The following CTSC variants were observed in gnomAD, a reference collection of about 807,000 sequenced individuals.
The protein encoded by CTSC is cathepsin C, also known as dipeptidyl peptidase 1.
Under a neutral mutation model 40.9 loss-of-function variants are expected in CTSC, and 37 were observed. The ratio of observed to expected loss-of-function variants is 0.91; its 90% CI spans 0.70 to 1.19. The LOEUF (loss-of-function observed/expected upper bound fraction) is 1.19. CTSC is among the 50% of genes most tolerant of loss of function. The pLI is 0.00. For missense variants in CTSC, 594 were observed against 567.3 expected, an observed-to-expected ratio of 1.05 and a Z score of -0.48; for synonymous variants, 232 against 207.4, an observed-to-expected ratio of 1.12 and a Z score of -1.02.
At chr11:88,331,722 C>A (rs1217958340) in intron 2 of CTSC, among the ~76,000 whole-genome samples, 5 of 152,118 alleles carry the variant, frequency 3.3e-5, no homozygotes, top group Admixed American at 3.3e-4. Context: ...CCTAACAAGG[C>A]CTGTCTGTTC....
intron 5 of CTSC, chr11:88,296,633 T>A (rs1944302052): frequency 4.7e-5 from 16 of 336,944 alleles, no homozygotes; most frequent in South Asian, 3.9e-4. Context: ...ACATGTGAGC[T>A]GTGGAGGAAT....
At chr11:88,322,731 T>A (rs1455265184) in intron 2 of CTSC, 1 of 152,104 alleles carries the variant, frequency 6.6e-6, no homozygotes, top group East Asian at 1.9e-4. Context: ...AGAAGTTGGA[T>A]CCCTGAATAG....
chr11:88,316,084 C>T (rs1937871387), intron 2 of CTSC, among the ~76,000 whole-genome samples: 2 of 151,916 alleles, frequency 1.3e-5, no homozygotes, highest in South Asian at 4.1e-4. Flanking sequence ...CTTTAAAGGG[C>T]TGCCTAAAAT....
At chr11:88,337,437 G>T in intron 1 of CTSC, 64 bp downstream of exon 1, 1 of 1,485,644 alleles carries the variant, frequency 6.7e-7, no homozygotes. Context: ...AGTTGGCGTG[G>T]CGCTGCGTTA....
chr11:88,330,266 C>T (rs1240722170), intron 2 of CTSC, among the ~76,000 whole-genome samples: 1 of 152,164 alleles, frequency 6.6e-6, no homozygotes, highest in Non-Finnish European at 1.5e-5. Flanking sequence ...GATACCCACC[C>T]ACCTGAGTGG....
rs373988215 is a variant in CTSC at position 88,311,048 on chromosome 11, G to C, written c.485+1340C>G. Reference sequence around the variant, plus strand: ...GATTAAAAATAATGTATCTTACTATGGGATAACAGATCATTAAGAGCTGAA... The same window carrying C: ...GATTAAAAATAATGTATCTTACTATCGGATAACAGATCATTAAGAGCTGAA... On this transcript the variant is annotated intron_variant, in intron 3 of 6. Transcript: ENST00000227266. Among the ~76,000 whole-genome samples, 57 of 152,212 alleles carry C rather than the reference G, an allele frequency of 3.7e-4. No homozygotes were observed. The South Asian group carries it at 0.01, about 28-fold the overall frequency.
At chr11:88,334,435 C>T (rs1938438165) in intron 2 of CTSC, among the ~76,000 whole-genome samples, 1 of 152,192 alleles carries the variant, frequency 6.6e-6, no homozygotes, top group Non-Finnish European at 1.5e-5. Context: ...CTCCTAGGTT[C>T]TCTCTTTCTG....
At chr11:88,324,142 C>T (rs676877) in intron 2 of CTSC, 1 of 152,428 alleles carries the variant, frequency 6.6e-6, no homozygotes, top group East Asian at 1.9e-4. Flanking sequence ...CGTACAAAAA[C>T]AAACAATAGG....
intron 4 of CTSC, among the ~76,000 whole-genome samples, chr11:88,306,983 G>A (rs911034406): frequency 1.3e-5 from 2 of 152,208 alleles, no homozygotes; most frequent in Non-Finnish European, 2.9e-5. Context: ...CCCCCTAGGG[G>A]TTTGGGTGGT....
intron 2 of CTSC, among the ~76,000 whole-genome samples, chr11:88,315,713 A>G (rs1937861677): frequency 6.6e-6 from 1 of 152,186 alleles, no homozygotes; most frequent in African/African-American, 2.4e-5. Flanking sequence ...AACTAGAACT[A>G]AGCATCCTAC....
At chr11:88,335,229 C>T (rs923444582) in intron 1 of CTSC, 147 bp from the exon 2 acceptor site, 4 of 661,778 alleles carry the variant, frequency 6.0e-6, no homozygotes, top group Non-Finnish European at 1.1e-5. Flanking sequence ...AAACCAGAGG[C>T]TCCATCTTGT....
intron 4 of CTSC, among the ~76,000 whole-genome samples, chr11:88,301,786 GCACACACACACAAACACACGCGCGCACA>G (rs1944364233): frequency 7.5e-6 from 1 of 133,658 alleles, no homozygotes; most frequent in Non-Finnish European, 1.6e-5. Context: ...ACATACACAT[GCACACACACACAAACACACGCGCGCACA>G]CACACACACA....
At chr11:88,294,984 G>A (rs1481112471) in intron 6 of CTSC, among the ~76,000 whole-genome samples, 1 of 152,162 alleles carries the variant, frequency 6.6e-6, no homozygotes, top group Admixed American at 6.5e-5. Context: ...ACAACCTCTT[G>A]CCGAAATGTC....
rs546944224 is a variant in CTSC, at chr11:88,335,028, T to C, written c.227A>G (p.Asp76Gly). The change falls in exon 2 of 7, where the codon GAT becomes GGT. Residue 76 changes from aspartate to glycine, a missense_variant. Asp to Gly is a moderately conservative substitution (Grantham distance 94). Coordinates refer to ENST00000227266, the MANE Select transcript of CTSC (RefSeq NM_001814.6). ...GAAATGGCCAGAATTGCCAAGGTCA[T>C]CATATGCTGTATCCAGCTTCTGAAG... ...VYLQKLDTAY[D>G]DLGNSGHFTI... 1.9e-6 allele frequency: 3 copies of C among 1,607,346 alleles called. No homozygotes were observed. The highest frequency in any genetic ancestry group is 2.2e-5 in the East Asian group (1 of 44,796).
At chr11:88,302,335 ATGACAAGG>A (rs917353208) in intron 4 of CTSC, among the ~76,000 whole-genome samples, 6 of 152,138 alleles carry the variant, frequency 3.9e-5, no homozygotes, top group African/African-American at 7.2e-5. Context: ...TTAAGAATAC[ATGACAAGG>A]GGCCAGGCGC....
In CTSC at chr11:88,294,076, A is replaced by C; in HGVS notation, c.1322T>G (p.Ile441Ser). The part of the protein sequence containing the change: ...TGWGENGYFR[I>S]RRGTDECAIE... ...TGCACACTCATCAGTTCCTCTGCGG[A>C]TCCGGAAGTAGCCATTCTCACCCCA... is the stretch of plus-strand genomic sequence containing the variant. The change falls in exon 7 of 7, where the codon ATC (isoleucine) becomes AGC (serine). Residue 441 changes from isoleucine to serine, a missense_variant. Ile to Ser is a moderately radical substitution (Grantham distance 142, BLOSUM62 -2). Coordinates refer to ENST00000227266, the MANE Select transcript of CTSC (RefSeq NM_001814.6). The C allele has an allele frequency of 6.2e-7, 1 of 1,613,942 alleles. No homozygotes were observed. Among genetic ancestry groups the C allele is most frequent in the Non-Finnish European group, 8.5e-7 (1 of 1,179,994 alleles).
intron 2 of CTSC, chr11:88,324,283 C>T: frequency 1.4e-6 from 1 of 740,310 alleles, no homozygotes; most frequent in Non-Finnish European, 1.6e-6. Context: ...AAATGTAAAA[C>T]CCAAAACAAT....
chr11:88,309,211 A>T lies in CTSC; in HGVS notation c.593T>A (p.Leu198Gln), dbSNP rs1047809607. 1.2e-6 allele frequency: 2 copies of T among 1,614,066 alleles called. No homozygotes were observed. The highest frequency in any genetic ancestry group is 1.7e-5 in the Admixed American group (1 of 60,024). The change falls in exon 4 of 7, where the codon CTG (leucine) becomes CAG (glutamine). Residue 198 changes from leucine (L) to glutamine (Q), a missense_variant. Leu to Gln is a moderately radical substitution (Grantham distance 113). Coordinates refer to ENST00000227266, the MANE Select transcript of CTSC (RefSeq NM_001814.6). ...TTYMEYETLT[L>Q]GDMIRRSGGH... ...ACCACTTCTCCTAATCATATCTCCC[A>T]GGGTAAGAGTCTCATATTCCATGTA...
intron 2 of CTSC, among the ~76,000 whole-genome samples, chr11:88,318,831 G>A (rs1316784202): frequency 6.6e-6 from 1 of 152,148 alleles, no homozygotes; most frequent in African/African-American, 2.4e-5. Flanking sequence ...CTTTGAACCT[G>A]GGAGGTGGAG....
Sources: allele counts gnomAD v4.1 joint callset (sites outside exome capture counted in the v4.1 genomes callset), GRCh38; gene constraint gnomAD v4.1.1; transcripts MANE v1.5; gene names NCBI Gene and HGNC (gene_info 2026-07-23, HGNC 2026-07-21).